The following KCNH5 variants were observed in gnomAD, a reference collection of about 807,000 sequenced individuals.
KCNH5 encodes voltage-gated delayed rectifier potassium channel KCNH5.
A neutral mutation model predicts 96.1 loss-of-function variants in KCNH5; 46 were observed. That is an observed-to-expected ratio of 0.48 (90% CI 0.38 to 0.61). The LOEUF is 0.61. Ranked by LOEUF, KCNH5 falls within the 20% of genes least tolerant of loss-of-function variation. The probability of loss-of-function intolerance (pLI) is 0.00; values close to 1 mark genes in which losing one functional copy is unlikely to be tolerated. For synonymous variants in KCNH5, 439 were observed against 449.8 expected (o/e 0.98, Z 0.30); for missense variants, 907 against 1,225.8 (o/e 0.74, Z 3.88).
At chr14:62,860,954 G>A (rs953889800) in intron 7 of KCNH5, among the ~76,000 whole-genome samples, 3 of 152,182 alleles carry the variant, frequency 2.0e-5, no homozygotes, top group African/African-American at 7.2e-5. Flanking sequence ...AAGTGAGGGA[G>A]GTTCTACAAG....
At chr14:62,814,182 T>C (rs1324037028) in intron 8 of KCNH5, among the ~76,000 whole-genome samples, 1 of 152,306 alleles carries the variant, frequency 6.6e-6, no homozygotes, top group South Asian at 2.1e-4. Context: ...AGACCTAAAG[T>C]TTTTGCTTCA....
At chr14:62,851,339 A>G (rs964724194) in intron 7 of KCNH5, among the ~76,000 whole-genome samples, 2 of 152,118 alleles carry the variant, frequency 1.3e-5, no homozygotes, top group African/African-American at 4.8e-5. Context: ...TCCTGTGTGC[A>G]TATATTTATT....
intron 8 of KCNH5, among the ~76,000 whole-genome samples, chr14:62,826,403 C>CATGTGT (rs1482664170): frequency 7.5e-5 from 7 of 93,824 alleles, no homozygotes; most frequent in African/African-American, 3.0e-4. Flanking sequence ...TGTGTGCGTG[C>CATGTGT]GTGCATGTGT....
chr14:62,973,244 A>G (rs1052528128), intron 6 of KCNH5, among the ~76,000 whole-genome samples: 1 of 152,254 alleles, frequency 6.6e-6, no homozygotes, highest in African/African-American at 2.4e-5. Context: ...CAGATTGCTT[A>G]GGACTTAATG....
At chr14:62,970,797 C>T (rs984188349) in intron 6 of KCNH5, among the ~76,000 whole-genome samples, 16 of 151,502 alleles carry the variant, frequency 1.1e-4, no homozygotes, top group African/African-American at 2.2e-4. Flanking sequence ...ACTCCAACAT[C>T]GATTCATGAT....
intron 8 of KCNH5, among the ~76,000 whole-genome samples, chr14:62,837,324 T>G (rs1023598009): frequency 2.1e-4 from 32 of 152,230 alleles, no homozygotes; most frequent in Non-Finnish European, 5.9e-5. Flanking sequence ...ATGTCTTGAA[T>G]GTAAGCAGGG....
At chr14:62,743,169 G>T (rs529330220) in intron 10 of KCNH5, among the ~76,000 whole-genome samples, 2 of 152,174 alleles carry the variant, frequency 1.3e-5, no homozygotes, top group Admixed American at 6.5e-5. Context: ...TGTATAAAGC[G>T]ATGGTTTTCC....
At chr14:62,900,841 T>C (rs1385426033) in intron 7 of KCNH5, among the ~76,000 whole-genome samples, 1 of 152,142 alleles carries the variant, frequency 6.6e-6, no homozygotes, top group Non-Finnish European at 1.5e-5. Context: ...AAGATATTTG[T>C]AACATATATA....
intron 4 of KCNH5, among the ~76,000 whole-genome samples, chr14:62,999,041 GT>G (rs1198270032): frequency 2.0e-5 from 3 of 152,132 alleles, no homozygotes; most frequent in Non-Finnish European, 4.4e-5. Context: ...AGTCCTTTGG[GT>G]ATATACCCTG....
Position 62,706,327 on chromosome 14 carries a change from T to G in KCNH5, c.*1181A>C, listed in dbSNP as rs1483096093. On this transcript the variant is annotated 3_prime_UTR_variant, in exon 11 of 11. Coordinates refer to ENST00000322893, the MANE Select transcript of KCNH5 (RefSeq NM_139318.5). ...TTAAAAAACTATAACCACAATAAAATGATAGAAAAGCAGTTATCTGAGTCG... is the reference window on the plus strand; with the variant it reads ...TTAAAAAACTATAACCACAATAAAAGGATAGAAAAGCAGTTATCTGAGTCG... The G allele has an allele frequency of 1.3e-5, 2 of 152,122 alleles. No homozygotes were observed. The highest frequency in any genetic ancestry group is 2.4e-5 in the African/African-American group (1 of 41,458). 9.4% of individuals were successfully genotyped at this position (152,122 alleles called of 1,614,324 possible).
At position 62,706,135 on chromosome 14, in the gene KCNH5, T is replaced by G. The variant is rs1884426098; in HGVS notation, c.*1373A>C. 6.6e-6 allele frequency: 1 copy of G among 152,148 alleles called. No homozygotes were observed. The highest frequency in any genetic ancestry group is 1.5e-5 in the Non-Finnish European group (1 of 67,970). The allele number at this position is 152,148 out of a possible 1,614,324, so 9.4% of individuals were successfully genotyped here. On this transcript the variant is annotated 3_prime_UTR_variant, in exon 11 of 11. Transcript: ENST00000322893. ...ATATACAGGACAACTCTTTGTGACT[T>G]TTTTTAAAAACTTGATAATAGGCAC...
At chr14:62,853,542 C>T (rs1276032847) in intron 7 of KCNH5, among the ~76,000 whole-genome samples, 3 of 138,724 alleles carry the variant, frequency 2.2e-5, no homozygotes, top group Non-Finnish European at 4.6e-5. Context: ...CTAGCCATCA[C>T]TCCTATCAGT....
chr14:62,952,748 C>T (rs1473458572), intron 6 of KCNH5, among the ~76,000 whole-genome samples: 1 of 152,050 alleles, frequency 6.6e-6, no homozygotes, highest in Non-Finnish European at 1.5e-5. Flanking sequence ...CAAACCCCAA[C>T]TAGAATGTCA....
intron 7 of KCNH5, among the ~76,000 whole-genome samples, chr14:62,886,121 GACACACACACAC>G (rs58900799): frequency 0.066 from 9,713 of 147,594 alleles, 1,039 homozygotes; most frequent in African/African-American, 0.22. Flanking sequence ...ACCTGCAGAG[GACACACACACAC>G]ACACACACAC....
intron 1 of KCNH5, among the ~76,000 whole-genome samples, chr14:63,031,707 C>T (rs1891629717): frequency 6.6e-6 from 1 of 152,012 alleles, no homozygotes; most frequent in South Asian, 2.1e-4. Context: ...ATTGTACTTA[C>T]TAATATTGTA....
rs564993034 is a variant in KCNH5, at chr14:62,964,349, G to A, written c.943-13790C>T. 2.9e-3 allele frequency among the ~76,000 whole-genome samples: 446 copies of A among 152,116 alleles called. 2 individuals carry two copies. Among genetic ancestry groups the A allele is most frequent in the African/African-American group, 0.01 (423 of 41,518 alleles). On this transcript the variant is annotated intron_variant, in intron 6 of 10. Coordinates refer to ENST00000322893, the MANE Select transcript of KCNH5 (RefSeq NM_139318.5). Reference sequence around the variant, plus strand: ...TAAAAAGAAATCCTAACCTAACAGCGGCATTTAGCCCATTACATGCTTTCC... The same window carrying A: ...TAAAAAGAAATCCTAACCTAACAGCAGCATTTAGCCCATTACATGCTTTCC...
At chr14:62,896,741 G>C (rs564754176) in intron 7 of KCNH5, among the ~76,000 whole-genome samples, 70 of 152,202 alleles carry the variant, frequency 4.6e-4, no homozygotes, top group African/African-American at 1.6e-3. Flanking sequence ...GTCACAGGTA[G>C]CCCTTTGTTG....
intron 10 of KCNH5, among the ~76,000 whole-genome samples, chr14:62,754,094 G>C (rs1885563934): frequency 6.6e-6 from 1 of 151,980 alleles, no homozygotes; most frequent in African/African-American, 2.4e-5. Context: ...AAGTTAAAAA[G>C]CACAGAGATG....
intron 9 of KCNH5, among the ~76,000 whole-genome samples, chr14:62,789,882 C>T (rs559047495): frequency 1.9e-4 from 29 of 151,992 alleles, no homozygotes; most frequent in African/African-American, 6.5e-4. Flanking sequence ...GTTTCCCTTG[C>T]TGTACAGAAA....
Sources: allele counts gnomAD v4.1 joint callset (sites outside exome capture counted in the v4.1 genomes callset), GRCh38; gene constraint gnomAD v4.1.1; transcripts MANE v1.5; gene names NCBI Gene and HGNC (gene_info 2026-07-23, HGNC 2026-07-21).